The following KMT2E variants were observed in gnomAD, a reference collection of about 807,000 sequenced individuals.
KMT2E encodes lysine methyltransferase 2E (inactive), also known as histone reader KMT2E.
KMT2E carries 30 observed loss-of-function variants against 184.6 expected under a neutral mutation model. That is an observed-to-expected ratio of 0.16 (90% CI 0.12 to 0.22). KMT2E has a LOEUF of 0.22. Ranked by LOEUF, KMT2E falls within the 10% of genes least tolerant of loss-of-function variation. The probability of loss-of-function intolerance (pLI) is 1.00; values close to 1 mark genes in which losing one functional copy is unlikely to be tolerated. For synonymous variants in KMT2E, 815 were observed against 776.5 expected, an observed-to-expected ratio of 1.05 and a Z score of -0.82; for missense variants, 2,023 against 2,237.4, an observed-to-expected ratio of 0.90 and a Z score of 1.93.
At chr7:105,071,582 G>GTATATATATATATATATA (rs1554392567) in intron 6 of KMT2E, among the ~76,000 whole-genome samples, 57 of 34,926 alleles carry the variant, frequency 1.6e-3, no homozygotes, top group Non-Finnish European at 2.5e-3. Context: ...ATGTGTGTGT[G>GTATATATATATATATATA]TATATATATA....
intron 6 of KMT2E, among the ~76,000 whole-genome samples, chr7:105,071,592 ATATATATATATATATAT>A (rs1562906414): frequency 7.4e-5 from 4 of 54,310 alleles, no homozygotes; most frequent in African/African-American, 2.7e-4. Flanking sequence ...GTATATATAT[ATATATATATATATATAT>A]TTTTTTTTTT....
At chr7:105,101,634 TAA>T in intron 16 of KMT2E, 45 bp downstream of exon 16, 1 of 1,409,162 alleles carries the variant, frequency 7.1e-7, no homozygotes, top group Non-Finnish European at 9.4e-7. Flanking sequence ...CACTTTAAAA[TAA>T]AATGTCTATA....
At chr7:105,096,493 G>C (rs533322686) in intron 15 of KMT2E, among the ~76,000 whole-genome samples, 12 of 152,226 alleles carry the variant, frequency 7.9e-5, no homozygotes, top group Non-Finnish European at 1.3e-4. Flanking sequence ...AACGGTGAAA[G>C]GGTATGACAA....
chr7:105,046,429 A>G (rs1259514669), intron 3 of KMT2E, among the ~76,000 whole-genome samples: 1 of 152,146 alleles, frequency 6.6e-6, no homozygotes, highest in Admixed American at 6.5e-5. Context: ...ATGGTATTCC[A>G]GTCTAGAGGT....
chr7:105,064,299 G>C (rs1054230593), intron 5 of KMT2E, among the ~76,000 whole-genome samples: 6 of 149,144 alleles, frequency 4.0e-5, no homozygotes, highest in Non-Finnish European at 8.9e-5. Flanking sequence ...GAGTACTTAC[G>C]CAGTGCATTG....
rs141724623 is a variant in KMT2E, at chr7:105,074,879, G to A, written c.729+64G>A. The A allele has an allele frequency of 3.3e-3, 3,839 of 1,158,016 alleles. 102 individuals are homozygous for A. In the East Asian group the frequency reaches 0.061, roughly 18 times the overall value. The allele number at this position is 1,158,016 out of a possible 1,614,324, so 71.7% of individuals were successfully genotyped here. On this transcript the variant is annotated intron_variant, in intron 8 of 26. Coordinates refer to ENST00000311117, the MANE Select transcript of KMT2E (RefSeq NM_182931.3). ...GCGGATAGGGAACTGAATTTTATAG[G>A]AGAGGCAGGAGAGTGAGAATAATCG...
At chr7:105,031,520 G>A (rs1562879463) in intron 1 of KMT2E, among the ~76,000 whole-genome samples, 1 of 152,084 alleles carries the variant, frequency 6.6e-6, no homozygotes, top group Non-Finnish European at 1.5e-5. Context: ...GGGAGGCCAA[G>A]GTGGGCAGAT....
chr7:105,022,592 G>A (rs778982109), intron 1 of KMT2E, among the ~76,000 whole-genome samples: 1 of 151,854 alleles, frequency 6.6e-6, no homozygotes, highest in Non-Finnish European at 1.5e-5. Flanking sequence ...TAATTTTTGG[G>A]GAAATACTTT....
At chr7:105,027,930 T>G (rs73718222) in intron 1 of KMT2E, among the ~76,000 whole-genome samples, 1,683 of 152,248 alleles carry the variant, frequency 0.011, 27 homozygotes, top group African/African-American at 0.039. Flanking sequence ...TCTGAAATAT[T>G]AAGATAATTA....
At chr7:105,089,753 C>T (rs1287706021) in intron 13 of KMT2E, among the ~76,000 whole-genome samples, 1 of 152,142 alleles carries the variant, frequency 6.6e-6, no homozygotes, top group Non-Finnish European at 1.5e-5. Flanking sequence ...TCAGGTAAGG[C>T]ATGCTTAACC....
At chr7:105,052,141 C>T (rs972472548) in intron 3 of KMT2E, among the ~76,000 whole-genome samples, 7 of 152,040 alleles carry the variant, frequency 4.6e-5, no homozygotes, top group Non-Finnish European at 1.0e-4. Context: ...ACCATAAGGC[C>T]CTCCTTCCCT....
chr7:105,096,740 C>T (rs2240457), intron 15 of KMT2E, among the ~76,000 whole-genome samples: 41,693 of 152,064 alleles, frequency 0.27, 8,469 homozygotes, highest in East Asian at 0.58. Context: ...CAGACAGATA[C>T]AGGCCCATGA....
intron 13 of KMT2E, among the ~76,000 whole-genome samples, chr7:105,087,452 C>T (rs1798031656): frequency 1.4e-5 from 2 of 146,900 alleles, no homozygotes; most frequent in South Asian, 4.2e-4. Flanking sequence ...GAGATGGAGT[C>T]TTGCTCTGTC....
chr7:105,033,098 T>A (rs938834046), intron 1 of KMT2E, among the ~76,000 whole-genome samples: 4 of 152,220 alleles, frequency 2.6e-5, no homozygotes, highest in Admixed American at 6.5e-5. Flanking sequence ...TTGGCAGACA[T>A]CACTGTGGCA....
chr7:105,111,231 CT>C, intron 26 of KMT2E: 2 of 195,476 alleles, frequency 1.0e-5, no homozygotes, highest in South Asian at 2.4e-4. Context: ...GGAATGACAT[CT>C]TCATCCTGGT....
At chr7:105,110,211 A>G (rs1799150992) in intron 23 of KMT2E, 69 bp from the exon 24 acceptor site, 1 of 1,201,652 alleles carries the variant, frequency 8.3e-7, no homozygotes, top group South Asian at 1.2e-5. Context: ...GTACATGTTG[A>G]CTATGAAGCA....
chr7:105,023,061 G>A (rs1275396123), intron 1 of KMT2E, among the ~76,000 whole-genome samples: 1 of 152,104 alleles, frequency 6.6e-6, no homozygotes. Flanking sequence ...CAAAAGATGT[G>A]CTTCTAGTTC....
chr7:105,041,066 A>T (rs1417849080), intron 3 of KMT2E, 43 bp downstream of exon 3: 3 of 1,156,696 alleles, frequency 2.6e-6, no homozygotes, highest in Middle Eastern at 2.2e-4. Context: ...AAAAAAAAAA[A>T]CCCTTCTGGA....
chr7:105,030,284 T>C (rs554718428), intron 1 of KMT2E, among the ~76,000 whole-genome samples: 49 of 152,290 alleles, frequency 3.2e-4, no homozygotes, highest in African/African-American at 1.0e-3. Context: ...TTGCCAGATA[T>C]CTTAAAACTA....
Sources: gnomAD v4.1 joint callset for allele counts (sites outside exome capture counted in the v4.1 genomes callset) on GRCh38, gnomAD v4.1.1 for gene constraint, MANE v1.5 for transcripts, NCBI Gene and HGNC (gene_info 2026-07-23, HGNC 2026-07-21) for gene names.